Variants in ANKFN1 observed in about 807,000 individuals in gnomAD.
ANKFN1 encodes the protein ankyrin repeat and fibronectin type-III domain-containing protein 1.
A neutral mutation model predicts 108.7 loss-of-function variants in ANKFN1; 74 were observed. That is an observed-to-expected ratio of 0.68 (90% confidence interval 0.56 to 0.83). The LOEUF (loss-of-function observed/expected upper bound fraction) is 0.83, where lower values mean the gene tolerates loss of function less well. ANKFN1 is among the 40% of genes least tolerant of loss of function. The pLI, the probability that ANKFN1 is intolerant of heterozygous loss-of-function variation, is 0.00. For synonymous variants in ANKFN1, 547 were observed against 516.2 expected, an observed-to-expected ratio of 1.06 and a Z score of -0.81; for missense variants, 1,505 against 1,382.3, an observed-to-expected ratio of 1.09 and a Z score of -1.41.
chr17:56,120,676 AGAAT>A (rs1218688442), intron 4 of ANKFN1, among the ~76,000 whole-genome samples: 2 of 152,100 alleles, frequency 1.3e-5, no homozygotes, highest in African/African-American at 2.4e-5. Context: ...AGAACTTCCT[AGAAT>A]GCACTAATTG....
At chr17:56,306,260 T>C (rs897996313) in intron 3 of ANKFN1, among the ~76,000 whole-genome samples, 6 of 152,252 alleles carry the variant, frequency 3.9e-5, no homozygotes, top group Non-Finnish European at 7.3e-5. Context: ...TGGACATCTT[T>C]ACTATGTTGA....
chr17:56,394,972 A>G (rs2047536486), intron 8 of ANKFN1, among the ~76,000 whole-genome samples: 1 of 152,202 alleles, frequency 6.6e-6, no homozygotes, highest in Admixed American at 6.5e-5. Context: ...CAAAACTGAA[A>G]CAAAAATAAT....
At chr17:56,233,933 C>A (rs1216604989) in intron 3 of ANKFN1, among the ~76,000 whole-genome samples, 1 of 152,074 alleles carries the variant, frequency 6.6e-6, no homozygotes, top group African/African-American at 2.4e-5. Context: ...ATGTGAACAA[C>A]TTCTTTGCTT....
chr17:56,162,163 C>T (rs1267283281), intron 1 of ANKFN1, among the ~76,000 whole-genome samples: 1 of 152,056 alleles, frequency 6.6e-6, no homozygotes, highest in African/African-American at 2.4e-5. Flanking sequence ...GTAGTTCTCC[C>T]CTACCTAAAA....
chr17:56,450,197 C>T (rs1017882931), intron 11 of ANKFN1, among the ~76,000 whole-genome samples: 3 of 152,026 alleles, frequency 2.0e-5, no homozygotes, highest in African/African-American at 7.2e-5. Flanking sequence ...CAGTGAGTTA[C>T]GATCATGCCA....
At chr17:56,476,788 T>A (rs1431579618) in intron 15 of ANKFN1, among the ~76,000 whole-genome samples, 1 of 152,222 alleles carries the variant, frequency 6.6e-6, no homozygotes, top group Non-Finnish European at 1.5e-5. Context: ...TTCTTCGTGG[T>A]TGCATTGTAA....
chr17:56,459,793 A>G (rs897617774), intron 14 of ANKFN1, among the ~76,000 whole-genome samples: 9 of 152,128 alleles, frequency 5.9e-5, no homozygotes, highest in Non-Finnish European at 8.8e-5. Flanking sequence ...GAGTGATGCA[A>G]TGATGGCCAG....
At chr17:56,121,453 A>G (rs1228870516) in intron 4 of ANKFN1, among the ~76,000 whole-genome samples, 2 of 151,922 alleles carry the variant, frequency 1.3e-5, no homozygotes, top group Middle Eastern at 3.4e-3. Context: ...AGAATTTTAC[A>G]TCTGACAGCT....
intron 19 of ANKFN1, among the ~76,000 whole-genome samples, chr17:56,493,187 G>C (rs573466750): frequency 4.4e-4 from 67 of 152,138 alleles, no homozygotes; most frequent in Admixed American, 1.9e-3. Flanking sequence ...AATCCATCAG[G>C]GTAGATAAGA....
intron 3 of ANKFN1, among the ~76,000 whole-genome samples, chr17:56,295,639 C>T (rs1326742985): frequency 6.6e-6 from 1 of 152,078 alleles, no homozygotes; most frequent in Non-Finnish European, 1.5e-5. Flanking sequence ...TGTTCAGTTA[C>T]TGTCTTAGTC....
intron 1 of ANKFN1, among the ~76,000 whole-genome samples, chr17:56,184,432 C>A (rs897016429): frequency 6.6e-6 from 1 of 152,092 alleles, no homozygotes; most frequent in African/African-American, 2.4e-5. Context: ...AATGCTGTTG[C>A]ACAATTAATA....
At chr17:56,188,573 GTGTGTGTGTA>G (rs1912503137) in intron 1 of ANKFN1, among the ~76,000 whole-genome samples, 6 of 95,454 alleles carry the variant, frequency 6.3e-5, no homozygotes, top group South Asian at 6.0e-4. Context: ...ATGTGTGTGT[GTGTGTGTGTA>G]TATATATATA....
intron 3 of ANKFN1, among the ~76,000 whole-genome samples, chr17:56,325,261 GCT>G (rs2144529629): frequency 1.1e-5 from 1 of 93,116 alleles, no homozygotes; most frequent in East Asian, 9.1e-4. Context: ...TGCTAGTGTC[GCT>G]GTGTGTGTGT....
intron 4 of ANKFN1, among the ~76,000 whole-genome samples, chr17:56,141,177 C>T (rs1037114647): frequency 6.6e-5 from 10 of 152,112 alleles, no homozygotes; most frequent in Admixed American, 2.0e-4. Context: ...CATCTCTGAG[C>T]GCTACATTTA....
At chr17:56,321,313 G>A (rs1052932267) in intron 3 of ANKFN1, among the ~76,000 whole-genome samples, 1 of 151,546 alleles carries the variant, frequency 6.6e-6, no homozygotes, top group Non-Finnish European at 1.5e-5. Context: ...AAAAAGAATC[G>A]GAGCCGTTAT....
intron 1 of ANKFN1, among the ~76,000 whole-genome samples, chr17:56,156,076 C>CTTTTT (rs529958919): frequency 7.3e-6 from 1 of 136,514 alleles, no homozygotes; most frequent in Non-Finnish European, 1.6e-5. Flanking sequence ...CTCTCTCACT[C>CTTTTT]TTTTTTTTTT....
intron 10 of ANKFN1, 117 bp from the exon 11 acceptor site, chr17:56,448,962 G>T (rs2049388260): frequency 1.4e-6 from 1 of 725,442 alleles, no homozygotes; most frequent in Non-Finnish European, 2.4e-6. Flanking sequence ...CATGTGCGGG[G>T]TGCTCATCCG....
chr17:56,350,199 T>G (rs777917391), intron 4 of ANKFN1, among the ~76,000 whole-genome samples: 3 of 152,116 alleles, frequency 2.0e-5, no homozygotes, highest in Non-Finnish European at 4.4e-5. Flanking sequence ...CCCAAATTTA[T>G]GCATACTGGG....
At chr17:56,374,929 T>A (rs533464383) in intron 8 of ANKFN1, among the ~76,000 whole-genome samples, 2 of 152,220 alleles carry the variant, frequency 1.3e-5, no homozygotes, top group Non-Finnish European at 2.9e-5. Flanking sequence ...AAGACCAGGC[T>A]GTCATTTCAA....
Sources: allele counts gnomAD v4.1 joint callset (sites outside exome capture counted in the v4.1 genomes callset), GRCh38; gene constraint gnomAD v4.1.1; transcripts MANE v1.5; gene names NCBI Gene and HGNC (gene_info 2026-07-23, HGNC 2026-07-21).